ATP2B2: variants seen among roughly 807,000 people sequenced by gnomAD.
ATP2B2 encodes the protein plasma membrane calcium-transporting ATPase 2.
In ATP2B2, 15 loss-of-function variants were observed where a neutral mutation model predicts 120.0. That is an observed-to-expected ratio of 0.12 (90% CI 0.08 to 0.19). The LOEUF (loss-of-function observed/expected upper bound fraction) is 0.19, where lower values mean the gene tolerates loss of function less well. ATP2B2 is among the 10% of genes least tolerant of loss of function. ATP2B2 has a pLI of 1.00. For missense variants in ATP2B2, 1,045 were observed against 1,719.8 expected (o/e 0.61, Z 6.94); for synonymous variants, 694 against 700.3 (o/e 0.99, Z 0.14).
intron 12 of ATP2B2, among the ~76,000 whole-genome samples, chr3:10,367,028 C>T (rs902154682): frequency 1.3e-5 from 2 of 152,232 alleles, no homozygotes; most frequent in African/African-American, 4.8e-5. Context: ...CAGCCTGCAG[C>T]CTCAGCCCTC....
chr3:10,649,378 C>T (rs563068178), intron 1 of ATP2B2, among the ~76,000 whole-genome samples: 1 of 152,268 alleles, frequency 6.6e-6, no homozygotes, highest in East Asian at 1.9e-4. Context: ...GACAGAACTC[C>T]CTAAAGGGTC....
chr3:10,557,789 C>T (rs540496668), intron 2 of ATP2B2, among the ~76,000 whole-genome samples: 2 of 152,182 alleles, frequency 1.3e-5, no homozygotes, highest in African/African-American at 4.8e-5. Context: ...AACTCCAGTC[C>T]GTGTGAGCCT....
At position 10,375,891 on chromosome 3, in the gene ATP2B2, G is replaced by A. The variant is rs1425394318; in HGVS notation, c.1202-247C>T. On this transcript the variant is annotated intron_variant, in intron 10 of 22. Coordinates refer to ENST00000360273, the MANE Select transcript of ATP2B2 (RefSeq NM_001001331.4). This position sits in a 1 kb window ranked among gnomAD's most constrained non-coding sequence, Gnocchi z 4.2. ...CAAGATTTTGTAAGGCTCAAATGTG[G>A]TAATAACGCATGCAAAGTGCCCAGC... 1.3e-5 allele frequency among the ~76,000 whole-genome samples: 2 copies of A among 152,178 alleles called. No individual in the cohort carries two copies. Among genetic ancestry groups the A allele is most frequent in the Non-Finnish European group, 2.9e-5 (2 of 68,032 alleles).
intron 1 of ATP2B2, among the ~76,000 whole-genome samples, chr3:10,707,522 G>A (rs932432309): frequency 5.9e-5 from 9 of 152,358 alleles, no homozygotes; most frequent in Middle Eastern, 3.4e-3. Context: ...GAGAAGCCAG[G>A]TGGGGAAGTC....
At chr3:10,539,241 G>T (rs2067381322) in intron 2 of ATP2B2, among the ~76,000 whole-genome samples, 4 of 152,124 alleles carry the variant, frequency 2.6e-5, no homozygotes, top group Non-Finnish European at 4.4e-5. Flanking sequence ...ACAAATGGAA[G>T]AACATTCCAT....
intron 1 of ATP2B2, among the ~76,000 whole-genome samples, chr3:10,470,338 A>G (rs2064931657): frequency 6.6e-6 from 1 of 152,132 alleles, no homozygotes; most frequent in African/African-American, 2.4e-5. Flanking sequence ...TGAGGCTCAG[A>G]GAGATTGAGC....
intron 2 of ATP2B2, among the ~76,000 whole-genome samples, chr3:10,552,234 G>A (rs575398509): frequency 6.6e-6 from 1 of 152,372 alleles, no homozygotes; most frequent in East Asian, 1.9e-4. Context: ...CATGGCATCT[G>A]ACAGATTTGC....
chr3:10,643,473 G>C (rs2070229902), intron 1 of ATP2B2, among the ~76,000 whole-genome samples: 1 of 152,194 alleles, frequency 6.6e-6, no homozygotes, highest in Admixed American at 6.5e-5. Flanking sequence ...AGATTGGGGA[G>C]AAAATAATAA....
chr3:10,431,606 C>T (rs1029468262), intron 2 of ATP2B2, among the ~76,000 whole-genome samples: 6 of 152,198 alleles, frequency 3.9e-5, no homozygotes, highest in Non-Finnish European at 1.5e-5. Flanking sequence ...GTCACACGCA[C>T]ACACAAAGCC....
chr3:10,326,861 C>A lies in ATP2B2; in HGVS notation c.*1953G>T. ...TCCCAGTTGACTATGGCTCTTTTCC[C>A]GAGTGGCTCTCATCTTGTTTGTGGA... On this transcript the variant is annotated 3_prime_UTR_variant, in exon 23 of 23. Transcript: ENST00000360273. The A allele has an allele frequency of 2.5e-6, 1 of 398,900 alleles. No individual in the cohort carries two copies. The highest frequency in any genetic ancestry group is 1.3e-4 in the South Asian group (1 of 7,836). The allele number at this position is 398,900 out of a possible 1,614,324, so 24.7% of individuals were successfully genotyped here. A position where few individuals can be genotyped will look rare whatever the true frequency, so the allele number is the denominator to read the frequency against.
chr3:10,361,008 T>C (rs1298710491), intron 12 of ATP2B2, among the ~76,000 whole-genome samples: 5 of 152,202 alleles, frequency 3.3e-5, no homozygotes, highest in Admixed American at 6.5e-5. Flanking sequence ...AATGGAATCA[T>C]ACAGTCTGTA....
intron 12 of ATP2B2, among the ~76,000 whole-genome samples, chr3:10,362,453 GA>G (rs1409625668): frequency 6.6e-6 from 1 of 151,984 alleles, no homozygotes; most frequent in Non-Finnish European, 1.5e-5. Context: ...GGATGCATAG[GA>G]AAAAAAAGAG....
chr3:10,326,673 G>A lies in ATP2B2; in HGVS notation c.*2141C>T. 1 of 399,072 alleles carries A rather than the reference G, an allele frequency of 2.5e-6. No homozygotes were observed. Among genetic ancestry groups the A allele is most frequent in the Non-Finnish European group, 4.4e-6 (1 of 226,068 alleles). The allele number at this position is 399,072 out of a possible 1,614,324, so 24.7% of individuals were successfully genotyped here. A position where few individuals can be genotyped will look rare whatever the true frequency, so the allele number is the denominator to read the frequency against. On this transcript the variant is annotated 3_prime_UTR_variant, in exon 23 of 23. Coordinates refer to ENST00000360273, the MANE Select transcript of ATP2B2 (RefSeq NM_001001331.4). The stretch of plus-strand genomic sequence containing the variant: ...CATCTGAGGGCTGGTCACCCCTTTG[G>A]TTATGCAGTTCCTCTCCTGGATACA...
chr3:10,345,311 C>T (rs1303309732), intron 18 of ATP2B2, 73 bp downstream of exon 18: 3 of 1,555,964 alleles, frequency 1.9e-6, no homozygotes, highest in East Asian at 2.3e-5. Flanking sequence ...CCTGGAGTAC[C>T]CTAAGGCCCC....
intron 2 of ATP2B2, among the ~76,000 whole-genome samples, chr3:10,440,319 A>C (rs1429819250): frequency 1.3e-5 from 2 of 152,096 alleles, no homozygotes; most frequent in Non-Finnish European, 2.9e-5. Flanking sequence ...ATGCACCTGG[A>C]GAAGGCTGTA....
intron 10 of ATP2B2, among the ~76,000 whole-genome samples, chr3:10,377,326 G>T (rs1306203382): frequency 6.6e-6 from 1 of 151,976 alleles, no homozygotes; most frequent in Admixed American, 6.5e-5. Context: ...AGTCGGAGGG[G>T]CTGGAAGCCA....
intron 2 of ATP2B2, among the ~76,000 whole-genome samples, chr3:10,416,050 A>T (rs2125042807): frequency 6.6e-6 from 1 of 152,368 alleles, no homozygotes; most frequent in South Asian, 2.1e-4. Flanking sequence ...CCAAGCACAG[A>T]AGAATGTGTG....
intron 5 of ATP2B2, 37 bp from the exon 6 acceptor site, chr3:10,388,439 G>C (rs763501768): frequency 1.2e-6 from 2 of 1,613,814 alleles, no homozygotes; most frequent in African/African-American, 2.7e-5. Context: ...ACCATTGCAT[G>C]GTTGAAGCCG....
In ATP2B2 at chr3:10,522,237, G is replaced by T. The variant is rs542959637; in HGVS notation, c.-320+11802C>A. Among the ~76,000 whole-genome samples the T allele has an allele frequency of 4.8e-4, 73 of 152,302 alleles. 1 individual carries two copies. In the South Asian group the frequency reaches 0.014, roughly 30 times the overall value. ...GTACTGCTGTGCCCTATTTGAGGAGGCTTCCTTTTCAGTACGTGTGTATTG... is the reference window on the plus strand; with the variant it reads ...GTACTGCTGTGCCCTATTTGAGGAGTCTTCCTTTTCAGTACGTGTGTATTG... On this transcript the variant is annotated intron_variant, in intron 3 of 21. Transcript: ENST00000646379.
Sources: allele counts gnomAD v4.1 joint callset (sites outside exome capture counted in the v4.1 genomes callset), GRCh38; gene constraint gnomAD v4.1.1; non-coding constraint Gnocchi (gnomAD v3.1); transcripts MANE v1.5; gene names NCBI Gene and HGNC (gene_info 2026-07-23, HGNC 2026-07-21).